The following MSH4 variants were observed in gnomAD, a reference collection of about 807,000 sequenced individuals.
MSH4 encodes the protein mutS protein homolog 4.
A neutral mutation model predicts 113.7 loss-of-function variants in MSH4; 106 were observed. That is an observed-to-expected ratio of 0.93 (90% confidence interval 0.80 to 1.10). The LOEUF is 1.10. Ranked by LOEUF, MSH4 falls within the 50% of genes least tolerant of loss-of-function variation. The probability of loss-of-function intolerance (pLI) is 0.00; values close to 1 mark genes in which losing one functional copy is unlikely to be tolerated. For missense variants in MSH4, 1,061 were observed against 1,093.7 expected (o/e 0.97, Z 0.42); for synonymous variants, 368 against 380.2 (o/e 0.97, Z 0.37).
intron 10 of MSH4, among the ~76,000 whole-genome samples, chr1:75,877,918 T>C (rs1023804892): frequency 1.3e-5 from 2 of 152,180 alleles, no homozygotes; most frequent in Admixed American, 6.5e-5. Context: ...AGATGTAGAA[T>C]TGTTTTTGGG....
At chr1:75,831,899 T>G (rs1031109186) in intron 7 of MSH4, among the ~76,000 whole-genome samples, 1 of 151,962 alleles carries the variant, frequency 6.6e-6, no homozygotes, top group Non-Finnish European at 1.5e-5. Flanking sequence ...AGCAAACCCA[T>G]TCAAAAGCTA....
chr1:75,871,795 C>T (rs2100564884), intron 9 of MSH4, among the ~76,000 whole-genome samples: 1 of 152,216 alleles, frequency 6.6e-6, no homozygotes, highest in South Asian at 2.1e-4. Flanking sequence ...ATGGTCATTA[C>T]AGTATTATTT....
intron 6 of MSH4, among the ~76,000 whole-genome samples, chr1:75,819,605 T>TA (rs1650364732): frequency 6.6e-6 from 1 of 152,270 alleles, no homozygotes. Context: ...TTGAATACCA[T>TA]AAGGGCTCAA....
chr1:75,797,316 AC>A, intron 1 of MSH4, 87 bp downstream of exon 1: 2 of 1,478,990 alleles, frequency 1.4e-6, no homozygotes, highest in Non-Finnish European at 9.0e-7. Context: ...GGTGGTTACC[AC>A]AGTGAAGTTG....
At chr1:75,869,422 G>A (rs1290079413) in intron 9 of MSH4, among the ~76,000 whole-genome samples, 3 of 152,168 alleles carry the variant, frequency 2.0e-5, no homozygotes, top group Admixed American at 6.5e-5. Context: ...AAGTAACAAG[G>A]AGGCAAAAGT....
At chr1:75,820,074 T>C (rs1460413552) in intron 6 of MSH4, among the ~76,000 whole-genome samples, 1 of 126,036 alleles carries the variant, frequency 7.9e-6, no homozygotes, top group Non-Finnish European at 1.7e-5. Context: ...GAAATTGTCT[T>C]GTACTTGTCA....
intron 1 of MSH4, among the ~76,000 whole-genome samples, chr1:75,803,486 G>A (rs539511096): frequency 2.6e-5 from 4 of 151,992 alleles, no homozygotes; most frequent in African/African-American, 7.2e-5. Context: ...GCGTGGTGGC[G>A]GGTGCCTGTA....
intron 14 of MSH4, among the ~76,000 whole-genome samples, chr1:75,881,663 G>C (rs527255748): frequency 7.2e-5 from 11 of 152,040 alleles, no homozygotes; most frequent in African/African-American, 2.6e-4. Context: ...AAATGACAGT[G>C]ATCTAAATTT....
chr1:75,900,526 C>T (rs928807052), intron 19 of MSH4, among the ~76,000 whole-genome samples: 1 of 151,934 alleles, frequency 6.6e-6, no homozygotes, highest in Admixed American at 6.6e-5. Context: ...AGGTTGGTCT[C>T]GAACTCCTGA....
intron 14 of MSH4, among the ~76,000 whole-genome samples, chr1:75,882,284 C>T (rs946904590): frequency 6.6e-6 from 1 of 151,964 alleles, no homozygotes; most frequent in Non-Finnish European, 1.5e-5. Flanking sequence ...TCTGAAACTC[C>T]ATATCTATAA....
chr1:75,890,142 G>A (rs1652217457), intron 16 of MSH4, among the ~76,000 whole-genome samples: 2 of 151,882 alleles, frequency 1.3e-5, no homozygotes. Context: ...TTGAGAAAGA[G>A]GTTAATAATC....
At position 75,815,068 on chromosome 1, in the gene MSH4, A is replaced by G. The variant is rs1283712800; in HGVS notation, c.747A>G (p.Lys249=). 3 of 1,606,226 alleles carry G rather than the reference A, an allele frequency of 1.9e-6. No individual in the cohort carries two copies. The highest frequency in any genetic ancestry group is 4.5e-5 in the East Asian group (2 of 44,596). ...AAAGGAAATACTTCAATGAAACAAA[A>G]GGATTAGAGTACATTGAACAGTTAT... is the stretch of plus-strand genomic sequence containing the variant. ...TIQRKYFNET[K]GLEYIEQLCI... is the part of the protein sequence containing the mutation. The change falls in exon 5 of 20, where the codon AAA becomes AAG. Residue 249 remains lysine (K), a synonymous_variant. Coordinates refer to ENST00000263187, the MANE Select transcript of MSH4 (RefSeq NM_002440.4).
At chr1:75,803,595 C>G (rs1047309340) in intron 1 of MSH4, 136 bp from the exon 2 acceptor site, 23 of 587,674 alleles carry the variant, frequency 3.9e-5, no homozygotes, top group Non-Finnish European at 5.5e-5. Context: ...CCAGCCTGGG[C>G]GACAAGAGCA....
chr1:75,830,017 T>C (rs953288555), intron 7 of MSH4, among the ~76,000 whole-genome samples: 4 of 152,012 alleles, frequency 2.6e-5, no homozygotes, highest in African/African-American at 4.8e-5. Flanking sequence ...GTCGAACCCA[T>C]AACAAAGAAG....
At position 75,796,899 on chromosome 1, in the gene MSH4, G is replaced by A. The variant is rs2100495525; in HGVS notation, c.-87G>A. The A allele has an allele frequency of 1.3e-6, 2 of 1,575,112 alleles. No homozygotes were observed. The highest frequency in any genetic ancestry group is 1.7e-6 in the Non-Finnish European group (2 of 1,157,744). Reference sequence around the variant, plus strand: ...GCGTCGGCGCGCAGTTCTCCCGCCCGTTTCAGCGGCGCAGCTTCTGTAGTT... The same window carrying A: ...GCGTCGGCGCGCAGTTCTCCCGCCCATTTCAGCGGCGCAGCTTCTGTAGTT... On this transcript the variant is annotated 5_prime_UTR_variant, in exon 1 of 20. Transcript: ENST00000263187.
chr1:75,899,561 G>A (rs1652463672), intron 18 of MSH4, 57 bp from the exon 19 acceptor site: 1 of 944,928 alleles, frequency 1.1e-6, no homozygotes, highest in Non-Finnish European at 1.5e-6. Context: ...GTTAAAAGAA[G>A]CATAAAAATG....
In MSH4 at chr1:75,797,248, G is replaced by T. The variant is rs1187108327; in HGVS notation, c.244+19G>T. ...GCTCAAGGCAAGGAGTGATTGGGTGGAGGAGTCTCCTTGAGGCTAGAGGCC... is the reference window on the plus strand; with the variant it reads ...GCTCAAGGCAAGGAGTGATTGGGTGTAGGAGTCTCCTTGAGGCTAGAGGCC... On this transcript the variant is annotated intron_variant, in intron 1 of 19. Coordinates refer to ENST00000263187, the MANE Select transcript of MSH4 (RefSeq NM_002440.4). 1 of 1,592,256 alleles carries T rather than the reference G, an allele frequency of 6.3e-7. No homozygotes were observed.
intron 7 of MSH4, among the ~76,000 whole-genome samples, chr1:75,822,786 ATGCTT>A (rs1185068452): frequency 2.7e-5 from 4 of 150,438 alleles, no homozygotes; most frequent in Non-Finnish European, 1.5e-5. Flanking sequence ...GATTTCCTGT[ATGCTT>A]TTCTTTTCCA....
chr1:75,823,253 C>T (rs1289957945), intron 7 of MSH4, among the ~76,000 whole-genome samples: 1 of 152,146 alleles, frequency 6.6e-6, no homozygotes, highest in African/African-American at 2.4e-5. Flanking sequence ...ACCTTAATAA[C>T]CTCACATTAG....
Sources: allele counts gnomAD v4.1 joint callset (sites outside exome capture counted in the v4.1 genomes callset), GRCh38; gene constraint gnomAD v4.1.1; transcripts MANE v1.5; gene names NCBI Gene and HGNC (gene_info 2026-07-23, HGNC 2026-07-21).